PTPRT: variants seen among roughly 807,000 people sequenced by gnomAD.
PTPRT encodes the protein receptor-type tyrosine-protein phosphatase T.
PTPRT carries 56 observed loss-of-function variants against 176.8 expected under a neutral mutation model. The observed-to-expected ratio is 0.32, with a 90% CI of 0.26 to 0.40. The LOEUF is 0.40. Among genes scored for constraint, PTPRT ranks in the 10% least tolerant of loss-of-function variants. PTPRT has a pLI of 1.00. For synonymous variants in PTPRT, 783 were observed against 739.0 expected (o/e 1.06, Z -0.96); for missense variants, 1,540 against 1,908.2 (o/e 0.81, Z 3.60).
chr20:42,415,652 CATTT>C (rs1188417627), intron 9 of PTPRT, among the ~76,000 whole-genome samples: 1 of 152,146 alleles, frequency 6.6e-6, no homozygotes, highest in East Asian at 1.9e-4. Context: ...TAGGACTTGG[CATTT>C]AGGAAATAGT....
intron 7 of PTPRT, among the ~76,000 whole-genome samples, chr20:42,574,462 A>C (rs1167255683): frequency 6.6e-6 from 1 of 152,298 alleles, no homozygotes; most frequent in East Asian, 1.9e-4. Context: ...CACACCCACC[A>C]AAGGTGACCT....
At chr20:42,512,570 T>C (rs1344626375) in intron 7 of PTPRT, among the ~76,000 whole-genome samples, 1 of 152,230 alleles carries the variant, frequency 6.6e-6, no homozygotes, top group Non-Finnish European at 1.5e-5. Flanking sequence ...TATGAATAGA[T>C]CTGCTATAAA....
At chr20:42,471,255 C>G (rs964296142) in intron 8 of PTPRT, among the ~76,000 whole-genome samples, 27 of 152,178 alleles carry the variant, frequency 1.8e-4, no homozygotes, top group African/African-American at 6.0e-4. Context: ...GGCATCAGTG[C>G]AGTCAAACCT....
At chr20:43,174,741 G>C (rs1164162644) in intron 1 of PTPRT, among the ~76,000 whole-genome samples, 4 of 152,212 alleles carry the variant, frequency 2.6e-5, no homozygotes, top group African/African-American at 4.8e-5. Context: ...TGTTTGAAAT[G>C]AACAATCCTG....
intron 7 of PTPRT, among the ~76,000 whole-genome samples, chr20:42,505,590 C>T (rs1203452085): frequency 2.0e-5 from 3 of 151,988 alleles, no homozygotes; most frequent in African/African-American, 7.3e-5. Context: ...GTGTGAGCCA[C>T]CAAGCCTGGC....
intron 6 of PTPRT, among the ~76,000 whole-genome samples, chr20:42,722,895 C>A (rs1176491912): frequency 6.6e-6 from 1 of 152,196 alleles, no homozygotes; most frequent in Non-Finnish European, 1.5e-5. Flanking sequence ...AGGACTATGG[C>A]AAACTTTAAC....
intron 13 of PTPRT, 50 bp from the exon 14 acceptor site, chr20:42,248,872 G>T: frequency 6.3e-7 from 1 of 1,597,850 alleles, no homozygotes; most frequent in South Asian, 1.1e-5. Flanking sequence ...CCAAACATGC[G>T]ACTAGACAAT....
At chr20:42,182,438 T>C (rs952615850) in intron 16 of PTPRT, among the ~76,000 whole-genome samples, 1 of 152,138 alleles carries the variant, frequency 6.6e-6, no homozygotes, top group African/African-American at 2.4e-5. Flanking sequence ...AGGGACCAGA[T>C]TTGCAAGTGT....
chr20:42,635,468 T>C (rs1352636129), intron 7 of PTPRT, among the ~76,000 whole-genome samples: 1 of 152,160 alleles, frequency 6.6e-6, no homozygotes, highest in Non-Finnish European at 1.5e-5. Context: ...GGCAACAATG[T>C]GCTGCATTTC....
chr20:42,103,257 C>A (rs1005650875), intron 25 of PTPRT, among the ~76,000 whole-genome samples: 6 of 152,158 alleles, frequency 3.9e-5, no homozygotes, highest in African/African-American at 1.4e-4. Flanking sequence ...GCATGGGCTT[C>A]CAGGTGTGGA....
At chr20:42,595,576 A>C (rs951655333) in intron 7 of PTPRT, among the ~76,000 whole-genome samples, 4 of 152,166 alleles carry the variant, frequency 2.6e-5, no homozygotes, top group African/African-American at 9.7e-5. Context: ...GCAGGACCTC[A>C]GCTTTGTTAG....
intron 1 of PTPRT, among the ~76,000 whole-genome samples, chr20:43,127,152 G>A (rs533800943): frequency 5.9e-5 from 9 of 152,150 alleles, no homozygotes; most frequent in East Asian, 3.9e-4. Context: ...GGCCGGGCGC[G>A]GTGGCTCACA....
intron 13 of PTPRT, among the ~76,000 whole-genome samples, chr20:42,269,761 G>A (rs2146996247): frequency 6.6e-6 from 1 of 152,318 alleles, no homozygotes; most frequent in Non-Finnish European, 1.5e-5. Flanking sequence ...AACGTAAATG[G>A]TGCCCCATAA....
At chr20:42,503,707 C>A (rs1568934004) in intron 7 of PTPRT, among the ~76,000 whole-genome samples, 1 of 151,962 alleles carries the variant, frequency 6.6e-6, no homozygotes, top group Admixed American at 6.6e-5. Flanking sequence ...TCATATAAAT[C>A]TTTTCTTTAT....
At chr20:42,141,274 T>C (rs887976422) in intron 18 of PTPRT, among the ~76,000 whole-genome samples, 3 of 152,192 alleles carry the variant, frequency 2.0e-5, no homozygotes, top group African/African-American at 7.2e-5. Flanking sequence ...CTGTCTCTCA[T>C]ACTATAGGAG....
intron 23 of PTPRT, among the ~76,000 whole-genome samples, chr20:42,107,998 C>A (rs570686577): frequency 1.3e-5 from 2 of 152,038 alleles, no homozygotes; most frequent in Non-Finnish European, 2.9e-5. Flanking sequence ...AATCCAGATG[C>A]GGGGACTCAA....
chr20:42,865,386 C>T (rs779826744), intron 2 of PTPRT, among the ~76,000 whole-genome samples: 1 of 152,134 alleles, frequency 6.6e-6, no homozygotes. Context: ...TTTTCTGTTT[C>T]CTTTAAATCT....
At chr20:42,276,951 G>A (rs2077542608) in intron 13 of PTPRT, among the ~76,000 whole-genome samples, 1 of 152,054 alleles carries the variant, frequency 6.6e-6, no homozygotes, top group African/African-American at 2.4e-5. Context: ...GTCCCTGCAG[G>A]AGTGAGAATC....
intron 14 of PTPRT, among the ~76,000 whole-genome samples, chr20:42,245,294 T>C (rs1458280871): frequency 1.3e-5 from 2 of 152,332 alleles, no homozygotes; most frequent in African/African-American, 4.8e-5. Context: ...ATCCTGTTTA[T>C]GTCCATGCAA....
Sources: allele counts gnomAD v4.1 joint callset (sites outside exome capture counted in the v4.1 genomes callset), GRCh38; gene constraint gnomAD v4.1.1; transcripts MANE v1.5; gene names NCBI Gene and HGNC (gene_info 2026-07-23, HGNC 2026-07-21).